The following MTUS1 variants were observed in gnomAD, a reference collection of about 807,000 sequenced individuals.
MTUS1 encodes the protein microtubule associated scaffold protein 1.
A neutral mutation model predicts 120.8 loss-of-function variants in MTUS1; 109 were observed. That is an observed-to-expected ratio of 0.90 (90% CI 0.77 to 1.06). The LOEUF is 1.06. MTUS1 is among the 50% of genes least tolerant of loss of function. MTUS1 has a pLI of 0.00. For missense variants in MTUS1, 2,210 were observed against 1,486.3 expected (o/e 1.49, Z -8.01); for synonymous variants, 737 against 550.5 (o/e 1.34, Z -4.74).
chr8:17,648,150 G>T (rs1243214746), intron 13 of MTUS1, among the ~76,000 whole-genome samples: 2 of 152,176 alleles, frequency 1.3e-5, no homozygotes, highest in Non-Finnish European at 2.9e-5. Flanking sequence ...AGCTGATTAT[G>T]GGCAGTGCCG....
At chr8:17,765,342 TC>T (rs1306861166) in intron 1 of MTUS1, among the ~76,000 whole-genome samples, 2 of 152,122 alleles carry the variant, frequency 1.3e-5, no homozygotes, top group Non-Finnish European at 2.9e-5. Context: ...AAACTAGCTG[TC>T]ATTGGCTGGG....
intron 8 of MTUS1, among the ~76,000 whole-genome samples, chr8:17,666,577 G>C (rs1810956906): frequency 6.6e-6 from 1 of 152,258 alleles, no homozygotes; most frequent in East Asian, 1.9e-4. Flanking sequence ...CCACCTGGAT[G>C]ATCATTAAAA....
At chr8:17,675,313 A>C in intron 7 of MTUS1, 61 bp from the exon 8 acceptor site, 1 of 1,476,178 alleles carries the variant, frequency 6.8e-7, no homozygotes, top group Non-Finnish European at 9.4e-7. Flanking sequence ...AGTAAGGTAC[A>C]CATTTGTTAT....
chr8:17,687,240 C>T (rs1035758240), intron 6 of MTUS1, among the ~76,000 whole-genome samples: 6 of 152,164 alleles, frequency 3.9e-5, no homozygotes, highest in Non-Finnish European at 8.8e-5. Context: ...ATACTGTGCT[C>T]CCTAAGGATG....
At chr8:17,750,760 A>C (rs909551788) in intron 2 of MTUS1, among the ~76,000 whole-genome samples, 5 of 152,244 alleles carry the variant, frequency 3.3e-5, no homozygotes, top group African/African-American at 1.2e-4. Context: ...CAGAGCAAGC[A>C]CTGAATAAAT....
intron 8 of MTUS1, among the ~76,000 whole-genome samples, chr8:17,657,855 G>A (rs1393845472): frequency 6.9e-6 from 1 of 145,806 alleles, no homozygotes; most frequent in Non-Finnish European, 1.5e-5. Context: ...ATTTATATAT[G>A]TATACATAGG....
At chr8:17,646,175 T>TAAAA in intron 14 of MTUS1, 36 bp from the exon 15 acceptor site, 8 of 1,271,902 alleles carry the variant, frequency 6.3e-6, no homozygotes, top group South Asian at 1.6e-5. Flanking sequence ...GAGATCTATG[T>TAAAA]AAAAAAAAAA....
chr8:17,769,999 C>A (rs1430820599), intron 1 of MTUS1, among the ~76,000 whole-genome samples: 7 of 151,880 alleles, frequency 4.6e-5, no homozygotes, highest in Non-Finnish European at 5.9e-5. Flanking sequence ...AGGTTCTAGA[C>A]ACTTCAGATG....
At chr8:17,679,705 G>C (rs1232697655) in intron 7 of MTUS1, among the ~76,000 whole-genome samples, 2 of 151,930 alleles carry the variant, frequency 1.3e-5, no homozygotes, top group Admixed American at 6.6e-5. Flanking sequence ...GTTTCGCCAT[G>C]TTGGCCAGAC....
In MTUS1 at chr8:17,645,436, C is replaced by T. The variant is rs1312833034; in HGVS notation, c.*490G>A. On this transcript the variant is annotated 3_prime_UTR_variant, in exon 15 of 15. Coordinates refer to ENST00000693296, the MANE Select transcript of MTUS1 (RefSeq NM_001363059.2). ...TGATTAGTACATATCCAGATATATT[C>T]AGATTTTGACATTTAATACACAGCA... is the stretch of plus-strand genomic sequence containing the variant. 3 of 155,660 alleles carry T rather than the reference C, an allele frequency of 1.9e-5. No individual in the cohort carries two copies. In the South Asian group the frequency reaches 6.0e-4, roughly 31 times the overall value. 9.6% of individuals were successfully genotyped at this position (155,660 alleles called of 1,614,324 possible).
chr8:17,788,064 T>G (rs2051454667), intron 1 of MTUS1, among the ~76,000 whole-genome samples: 1 of 152,002 alleles, frequency 6.6e-6, no homozygotes. Flanking sequence ...GAGGTTGCAG[T>G]GAGCCGAGAT....
intron 6 of MTUS1, among the ~76,000 whole-genome samples, chr8:17,692,951 C>T (rs986907523): frequency 1.2e-4 from 19 of 152,170 alleles, no homozygotes; most frequent in Admixed American, 3.9e-4. Context: ...TCCTCCCTTG[C>T]GCTGCAGTAA....
chr8:17,687,356 G>A (rs576148006), intron 6 of MTUS1, among the ~76,000 whole-genome samples: 2 of 152,008 alleles, frequency 1.3e-5, no homozygotes, highest in East Asian at 1.9e-4. Context: ...CTCCAATGAC[G>A]CTCAAAACCC....
In MTUS1 at chr8:17,725,864, G is replaced by A. The variant is rs556371960; in HGVS notation, c.2288-2031C>T. On this transcript the variant is annotated intron_variant, in intron 3 of 14. Transcript: ENST00000693296. The stretch of plus-strand genomic sequence containing the variant: ...TTCTTCTTCTTCCAATGTGGCCCAG[G>A]GAAGCCAAAAGATTGCACACCCCAA... Among the ~76,000 whole-genome samples, 11 of 152,214 alleles carry A rather than the reference G, an allele frequency of 7.2e-5. No individual in the cohort carries two copies. The East Asian group carries it at 2.1e-3, about 29-fold the overall frequency.
intron 1 of MTUS1, among the ~76,000 whole-genome samples, chr8:17,765,078 T>G (rs2049367498): frequency 6.6e-6 from 1 of 152,162 alleles, no homozygotes; most frequent in Admixed American, 6.5e-5. Flanking sequence ...CATTAGGCAT[T>G]AGATTCTCAT....
In MTUS1 at chr8:17,674,721, G is replaced by A. The variant is rs529561528; in HGVS notation, c.2905+465C>T. 3 of 995,448 alleles carry A rather than the reference G, an allele frequency of 3.0e-6. No individual in the cohort carries two copies. The African/African-American group carries it at 5.2e-5, about 17-fold the overall frequency. The allele number at this position is 995,448 out of a possible 1,614,324, so 61.7% of individuals were successfully genotyped here. A position where few individuals can be genotyped will look rare whatever the true frequency, so the allele number is the denominator to read the frequency against. ...AAATAGTAAGATTAGCATAGAACGT[G>A]CCTTTTTCAGCCAAGTTGCCTTCAT... On this transcript the variant is annotated intron_variant, in intron 8 of 14. Coordinates refer to ENST00000693296, the MANE Select transcript of MTUS1 (RefSeq NM_001363059.2).
chr8:17,672,348 G>C (rs867962744), intron 8 of MTUS1, among the ~76,000 whole-genome samples: 1 of 152,114 alleles, frequency 6.6e-6, no homozygotes, highest in African/African-American at 2.4e-5. Context: ...CAGACAATTA[G>C]CATCGCCATT....
chr8:17,649,590 T>TA (rs1192740003), intron 13 of MTUS1, among the ~76,000 whole-genome samples: 1 of 152,220 alleles, frequency 6.6e-6, no homozygotes, highest in East Asian at 1.9e-4. Context: ...CACTGAAATA[T>TA]AAGCCTGATT....
intron 1 of MTUS1, among the ~76,000 whole-genome samples, chr8:17,774,348 T>C (rs364344): frequency 0.17 from 26,504 of 152,188 alleles, 2,341 homozygotes; most frequent in East Asian, 0.21. Context: ...AGGTGTTGCT[T>C]TTCCTACTTG....
Sources: allele counts gnomAD v4.1 joint callset (sites outside exome capture counted in the v4.1 genomes callset), GRCh38; gene constraint gnomAD v4.1.1; transcripts MANE v1.5; gene names NCBI Gene and HGNC (gene_info 2026-07-23, HGNC 2026-07-21).